The following NCKAP5 variants were observed in gnomAD, a reference collection of about 807,000 sequenced individuals.
The protein encoded by NCKAP5 is NCK associated protein 5.
A neutral mutation model predicts 167.0 loss-of-function variants in NCKAP5; 92 were observed. The observed-to-expected ratio is 0.55, with a 90% CI of 0.47 to 0.66. The LOEUF is 0.66. Among genes scored for constraint, NCKAP5 ranks in the 30% least tolerant of loss-of-function variants. NCKAP5 has a pLI of 0.00. For synonymous variants in NCKAP5, 891 were observed against 877.4 expected, an observed-to-expected ratio of 1.02 and a Z score of -0.27; for missense variants, 2,378 against 2,315.0, an observed-to-expected ratio of 1.03 and a Z score of -0.56.
chr2:132,927,128 T>C (rs1695964425), intron 8 of NCKAP5, among the ~76,000 whole-genome samples: 1 of 152,088 alleles, frequency 6.6e-6, no homozygotes, highest in Non-Finnish European at 1.5e-5. Context: ...TTGAAAATGG[T>C]ATTCTTAGTG....
intron 4 of NCKAP5, among the ~76,000 whole-genome samples, chr2:133,249,031 G>A (rs113926803): frequency 1.6e-4 from 24 of 152,212 alleles, no homozygotes; most frequent in South Asian, 6.2e-4. Context: ...AACCTGGACC[G>A]TGTCTTCCCC....
intron 3 of NCKAP5, among the ~76,000 whole-genome samples, chr2:133,431,158 G>C (rs1323465220): frequency 6.6e-6 from 1 of 152,122 alleles, no homozygotes; most frequent in African/African-American, 2.4e-5. Context: ...TCCAGACCAT[G>C]TGCTGATGAG....
chr2:132,977,275 T>C (rs2077004571), intron 7 of NCKAP5, among the ~76,000 whole-genome samples: 1 of 152,202 alleles, frequency 6.6e-6, no homozygotes, highest in Non-Finnish European at 1.5e-5. Context: ...TACTTAACTA[T>C]TCTTAAGTAC....
intron 6 of NCKAP5, among the ~76,000 whole-genome samples, chr2:133,022,501 C>A (rs1376489462): frequency 1.3e-5 from 2 of 152,116 alleles, no homozygotes; most frequent in Non-Finnish European, 2.9e-5. Flanking sequence ...ATGGATCCTC[C>A]AGGGGCGGCT....
chr2:133,132,958 T>G (rs4954027), intron 5 of NCKAP5, among the ~76,000 whole-genome samples: 10,123 of 152,104 alleles, frequency 0.067, 663 homozygotes, highest in East Asian at 0.38. Flanking sequence ...TTATAGGCGT[T>G]AGCCACCACG....
At chr2:132,920,592 C>A (rs1404198244) in intron 8 of NCKAP5, among the ~76,000 whole-genome samples, 1 of 146,346 alleles carries the variant, frequency 6.8e-6, no homozygotes, top group Non-Finnish European at 1.5e-5. Context: ...CTTTCCATAG[C>A]ATGAGGCCTG....
At chr2:133,320,631 G>A (rs969746726) in intron 3 of NCKAP5, among the ~76,000 whole-genome samples, 1 of 152,110 alleles carries the variant, frequency 6.6e-6, no homozygotes, top group Non-Finnish European at 1.5e-5. Flanking sequence ...GGGAGGCTGA[G>A]GCAGGGGAAT....
the NCKAP5 span, among the ~76,000 whole-genome samples, chr2:133,646,597 A>G: frequency 2.0e-5 from 3 of 152,198 alleles, no homozygotes; most frequent in African/African-American, 7.2e-5. Context: ...TGCTAAAGCG[A>G]GCTTTTCAGG....
At chr2:133,490,836 A>T (rs1473664409) in intron 3 of NCKAP5, among the ~76,000 whole-genome samples, 1 of 152,188 alleles carries the variant, frequency 6.6e-6, no homozygotes, top group Non-Finnish European at 1.5e-5. Flanking sequence ...ATTTTTAGCC[A>T]AGTTTTCTTT....
intron 4 of NCKAP5, among the ~76,000 whole-genome samples, chr2:133,259,790 G>T (rs142057621): frequency 3.2e-4 from 49 of 152,332 alleles, no homozygotes; most frequent in African/African-American, 1.1e-3. Flanking sequence ...GTCTTTTGGG[G>T]TCTGTTAAGT....
chr2:132,685,381 G>A (rs888105532), intron 19 of NCKAP5, among the ~76,000 whole-genome samples: 18 of 152,196 alleles, frequency 1.2e-4, no homozygotes, highest in African/African-American at 4.1e-4. Context: ...ACATGTGTTT[G>A]TGTGTGACCA....
intron 8 of NCKAP5, among the ~76,000 whole-genome samples, chr2:132,947,527 C>G (rs1222478521): frequency 2.0e-5 from 3 of 152,126 alleles, no homozygotes; most frequent in African/African-American, 2.4e-5. Flanking sequence ...GAGATTAATT[C>G]CATGACAATT....
chr2:133,418,516 A>G (rs147941265), intron 3 of NCKAP5, among the ~76,000 whole-genome samples: 286 of 152,282 alleles, frequency 1.9e-3, no homozygotes, highest in African/African-American at 6.6e-3. Flanking sequence ...TTACTCCCCA[A>G]CCAGACTAGG....
intron 6 of NCKAP5, among the ~76,000 whole-genome samples, chr2:133,046,176 A>G (rs1169268783): frequency 6.6e-6 from 1 of 152,190 alleles, no homozygotes; most frequent in Non-Finnish European, 1.5e-5. Context: ...AATCTTGGAA[A>G]GTGAAACTAC....
At chr2:133,544,676 T>G (rs1686512096) in intron 2 of NCKAP5, among the ~76,000 whole-genome samples, 2 of 152,212 alleles carry the variant, frequency 1.3e-5, no homozygotes, top group African/African-American at 4.8e-5. Flanking sequence ...TTCTTGTGCA[T>G]GTCTCTTCAC....
At chr2:133,264,230 G>C (rs535871530) in intron 4 of NCKAP5, among the ~76,000 whole-genome samples, 1 of 152,334 alleles carries the variant, frequency 6.6e-6, no homozygotes, top group African/African-American at 2.4e-5. Context: ...AGCTCCATCA[G>C]CTGTTAGGAT....
chr2:132,916,731 C>T (rs747930954), intron 8 of NCKAP5, among the ~76,000 whole-genome samples: 3 of 152,000 alleles, frequency 2.0e-5, no homozygotes, highest in Admixed American at 6.6e-5. Flanking sequence ...TTTTGAAATT[C>T]AATTTCTAGA....
At chr2:133,383,738 C>A (rs2150958310) in intron 3 of NCKAP5, among the ~76,000 whole-genome samples, 1 of 152,244 alleles carries the variant, frequency 6.6e-6, no homozygotes, top group Admixed American at 6.5e-5. Context: ...TATTTCCTGA[C>A]TTTTTAATGC....
intron 3 of NCKAP5, among the ~76,000 whole-genome samples, chr2:133,510,663 T>C (rs138456827): frequency 1.1e-3 from 166 of 152,338 alleles, no homozygotes; most frequent in African/African-American, 3.6e-3. Flanking sequence ...CATGGTCTAG[T>C]CCTGTTGAGG....
Sources: allele counts gnomAD v4.1 joint callset (sites outside exome capture counted in the v4.1 genomes callset), GRCh38; gene constraint gnomAD v4.1.1; transcripts MANE v1.5; gene names NCBI Gene and HGNC (gene_info 2026-07-23, HGNC 2026-07-21).